NTRK3: variants seen among roughly 807,000 people sequenced by gnomAD.
NTRK3 encodes neurotrophic receptor tyrosine kinase 3.
A neutral mutation model predicts 91.7 loss-of-function variants in NTRK3; 24 were observed. That is an observed-to-expected ratio of 0.26 (90% CI 0.19 to 0.37). NTRK3 has a LOEUF of 0.37. Ranked by LOEUF, NTRK3 falls within the 10% of genes least tolerant of loss-of-function variation. The probability of loss-of-function intolerance (pLI) is 1.00; values close to 1 mark genes in which losing one functional copy is unlikely to be tolerated. For missense variants in NTRK3, 880 were observed against 1,068.9 expected (o/e 0.82, Z 2.46); for synonymous variants, 483 against 404.0 (o/e 1.20, Z -2.34).
In NTRK3 at chr15:88,057,930, G is replaced by A. The variant is rs28404882; in HGVS notation, c.1397-24885C>T. 5.5e-3 allele frequency among the ~76,000 whole-genome samples: 835 copies of A among 152,330 alleles called. 11 individuals carry two copies. The highest frequency in any genetic ancestry group is 0.019 in the African/African-American group (793 of 41,578). On this transcript the variant is annotated intron_variant, in intron 13 of 18. Transcript: ENST00000394480. ...GCTGGGAGATGCCTGCTGCCAGTAT[G>A]GGGCTGACACACCACTGACACAGTG...
At chr15:88,101,161 A>C (rs1597318577) in intron 13 of NTRK3, among the ~76,000 whole-genome samples, 1 of 152,342 alleles carries the variant, frequency 6.6e-6, no homozygotes, top group East Asian at 1.9e-4. Flanking sequence ...AACTCAAACA[A>C]ATTTACAAGA....
intron 3 of NTRK3, among the ~76,000 whole-genome samples, chr15:88,186,184 A>G (rs899313970): frequency 6.6e-6 from 1 of 152,258 alleles, no homozygotes; most frequent in Non-Finnish European, 1.5e-5. Flanking sequence ...TCTCATTCAC[A>G]GGACTCCAGC....
At chr15:88,079,097 G>A (rs1055120062) in intron 13 of NTRK3, among the ~76,000 whole-genome samples, 2 of 152,222 alleles carry the variant, frequency 1.3e-5, no homozygotes, top group Non-Finnish European at 2.9e-5. Context: ...TGGCGGAGGG[G>A]TGGCGTTTGC....
At chr15:88,183,021 C>CG (rs1567601212) in intron 5 of NTRK3, among the ~76,000 whole-genome samples, 2 of 142,440 alleles carry the variant, frequency 1.4e-5, no homozygotes, top group Non-Finnish European at 3.1e-5. Flanking sequence ...AACCCCCCCC[C>CG]GCCCCCCGCC....
At chr15:88,080,267 G>A (rs906747135) in intron 13 of NTRK3, among the ~76,000 whole-genome samples, 3 of 152,082 alleles carry the variant, frequency 2.0e-5, no homozygotes, top group African/African-American at 7.2e-5. Flanking sequence ...TCTTTTTTAA[G>A]GTTTTTGAAA....
In NTRK3 at chr15:88,149,844, T is replaced by C. The variant is rs116581097; in HGVS notation, c.396-2441A>G. Among the ~76,000 whole-genome samples the C allele has an allele frequency of 9.1e-3, 1,390 of 152,326 alleles. 29 individuals carry two copies. The highest frequency in any genetic ancestry group is 0.031 in the African/African-American group (1,304 of 41,554). Reference sequence around the variant, plus strand: ...CCATTGCCACTGGCCTTTATGAGGTTTTATTAAATCTAAGTGTTTGATTCA... The same window carrying C: ...CCATTGCCACTGGCCTTTATGAGGTCTTATTAAATCTAAGTGTTTGATTCA... On this transcript the variant is annotated intron_variant, in intron 5 of 18. Transcript: ENST00000394480.
chr15:88,117,365 C>T (rs1003632260), intron 13 of NTRK3, among the ~76,000 whole-genome samples: 1 of 152,158 alleles, frequency 6.6e-6, no homozygotes, highest in African/African-American at 2.4e-5. Flanking sequence ...TGTTTGATGC[C>T]TGTCACTCTC....
chr15:87,923,408 G>T (rs1466267651), intron 17 of NTRK3, among the ~76,000 whole-genome samples: 1 of 152,128 alleles, frequency 6.6e-6, no homozygotes, highest in Non-Finnish European at 1.5e-5. Flanking sequence ...ATAGATAGAT[G>T]CCTAGCATGA....
chr15:88,015,460 A>G (rs2077167872), intron 14 of NTRK3, among the ~76,000 whole-genome samples: 1 of 151,542 alleles, frequency 6.6e-6, no homozygotes, highest in Admixed American at 6.6e-5. Flanking sequence ...CTTCCTGTCC[A>G]TCTCTGCCAG....
At chr15:88,063,693 C>G (rs946716933) in intron 13 of NTRK3, among the ~76,000 whole-genome samples, 2 of 152,196 alleles carry the variant, frequency 1.3e-5, no homozygotes, top group Non-Finnish European at 2.9e-5. Context: ...TCTATTTTAT[C>G]TTATGGCTCC....
intron 17 of NTRK3, among the ~76,000 whole-genome samples, chr15:87,887,714 G>T (rs922220753): frequency 6.6e-6 from 1 of 152,038 alleles, no homozygotes; most frequent in Non-Finnish European, 1.5e-5. Flanking sequence ...TGACAAATAC[G>T]TCCCATGGTA....
At chr15:88,248,813 C>T (rs937504780) in intron 3 of NTRK3, among the ~76,000 whole-genome samples, 13 of 152,148 alleles carry the variant, frequency 8.5e-5, no homozygotes, top group African/African-American at 2.4e-4. Context: ...GTTTCAGAAA[C>T]GCTAACGATT....
At chr15:87,954,562 T>A (rs1391429486) in intron 14 of NTRK3, among the ~76,000 whole-genome samples, 2 of 152,152 alleles carry the variant, frequency 1.3e-5, no homozygotes, top group Admixed American at 6.5e-5. Context: ...CAGGAAGGAA[T>A]TAAATATTTG....
intron 13 of NTRK3, among the ~76,000 whole-genome samples, chr15:88,125,084 A>C (rs982744161): frequency 2.0e-5 from 3 of 152,122 alleles, no homozygotes; most frequent in African/African-American, 7.2e-5. Flanking sequence ...TGCTCAATCA[A>C]TCTTCCCACC....
rs2053976334 is a variant in NTRK3 at position 88,255,721 on chromosome 15, C to T, written c.248+185G>A. ...ATAGCCGGATCGCGCCTCGCCAGGG[C>T]CGGAGTCACCTGGAATGCGCAGCCG... On this transcript the variant is annotated intron_variant, in intron 3 of 18. Coordinates refer to ENST00000394480, the Ensembl canonical transcript of NTRK3. The surrounding 1 kb of genome is among the most constrained non-coding windows in gnomAD (Gnocchi z 4.3). Among the ~76,000 whole-genome samples, 1 of 152,134 alleles carries T rather than the reference C, an allele frequency of 6.6e-6. No homozygotes were observed. Among genetic ancestry groups the T allele is most frequent in the South Asian group, 2.1e-4 (1 of 4,832 alleles).
chr15:87,916,376 GGGCCCTCCACA>G, intron 17 of NTRK3: 1 of 543,738 alleles, frequency 1.8e-6, no homozygotes, highest in Non-Finnish European at 3.3e-6. Context: ...ACATCCGTAA[GGGCCCTCCACA>G]GGAGTAGAGA....
chr15:88,167,748 C>T (rs1208486962), intron 5 of NTRK3, among the ~76,000 whole-genome samples: 1 of 152,106 alleles, frequency 6.6e-6, no homozygotes, highest in African/African-American at 2.4e-5. Flanking sequence ...CAAGCAGATG[C>T]ATCCATTTCA....
intron 14 of NTRK3, among the ~76,000 whole-genome samples, chr15:88,009,044 G>C (rs2076688347): frequency 6.6e-6 from 1 of 152,208 alleles, no homozygotes; most frequent in South Asian, 2.1e-4. Flanking sequence ...ACCTCTAGTT[G>C]AGAAGGAAGA....
At chr15:87,944,215 A>G (rs963039261) in intron 14 of NTRK3, among the ~76,000 whole-genome samples, 4 of 152,210 alleles carry the variant, frequency 2.6e-5, no homozygotes, top group Non-Finnish European at 5.9e-5. Context: ...CCACAAGGTA[A>G]CCAGGGAGCT....
Sources: allele counts gnomAD v4.1 joint callset (sites outside exome capture counted in the v4.1 genomes callset), GRCh38; gene constraint gnomAD v4.1.1; non-coding constraint Gnocchi (gnomAD v3.1); transcripts MANE v1.5; gene names NCBI Gene and HGNC (gene_info 2026-07-23, HGNC 2026-07-21).